ARID1B: variants seen among roughly 807,000 people sequenced by gnomAD.
ARID1B encodes the protein AT-rich interaction domain 1B.
ARID1B carries 30 observed loss-of-function variants against 212.3 expected under a neutral mutation model. The ratio of observed to expected loss-of-function variants is 0.14; its 90% CI spans 0.11 to 0.19. The LOEUF (loss-of-function observed/expected upper bound fraction) is 0.19, where lower values mean the gene tolerates loss of function less well. Ranked by LOEUF, ARID1B falls within the 10% of genes least tolerant of loss-of-function variation. The probability of loss-of-function intolerance (pLI) is 1.00; values close to 1 mark genes in which losing one functional copy is unlikely to be tolerated. For missense variants in ARID1B, 2,891 were observed against 3,204.0 expected, an observed-to-expected ratio of 0.90 and a Z score of 2.36; for synonymous variants, 1,402 against 1,301.7, an observed-to-expected ratio of 1.08 and a Z score of -1.66.
intron 15 of ARID1B, among the ~76,000 whole-genome samples, chr6:157,192,248 A>T (rs936416719): frequency 6.6e-6 from 1 of 152,188 alleles, no homozygotes; most frequent in Admixed American, 6.5e-5. Context: ...ATATGACAAC[A>T]TGGAAAAAAA....
At chr6:157,054,562 C>T (rs919292839) in intron 4 of ARID1B, among the ~76,000 whole-genome samples, 3 of 152,076 alleles carry the variant, frequency 2.0e-5, no homozygotes, top group Non-Finnish European at 4.4e-5. Context: ...CATGGAAGGA[C>T]TAGTAACCAC....
chr6:156,802,309 T>G (rs897937431), intron 1 of ARID1B, among the ~76,000 whole-genome samples: 2 of 152,240 alleles, frequency 1.3e-5, no homozygotes, highest in African/African-American at 4.8e-5. Context: ...CATTTTTTAG[T>G]GTCTCTGAAA....
intron 4 of ARID1B, among the ~76,000 whole-genome samples, chr6:156,987,631 A>G (rs750801072): frequency 2.0e-5 from 3 of 152,228 alleles, no homozygotes; most frequent in Non-Finnish European, 4.4e-5. Flanking sequence ...CGCCCGGCCC[A>G]GTGCTAGTTT....
intron 2 of ARID1B, among the ~76,000 whole-genome samples, chr6:156,835,239 C>CCA (rs1211065938): frequency 4.6e-5 from 5 of 107,626 alleles, no homozygotes; most frequent in Non-Finnish European, 9.3e-5. Context: ...GACTCTGTCA[C>CCA]AAAAAAAAAA....
At chr6:156,878,323 G>C (rs1425430028) in intron 2 of ARID1B, among the ~76,000 whole-genome samples, 2 of 152,164 alleles carry the variant, frequency 1.3e-5, no homozygotes, top group Non-Finnish European at 2.9e-5. Context: ...GAAGCTCACA[G>C]AATTGCCAGA....
chr6:156,837,931 G>A (rs945857833), intron 2 of ARID1B, among the ~76,000 whole-genome samples: 1 of 152,164 alleles, frequency 6.6e-6, no homozygotes, highest in African/African-American at 2.4e-5. Context: ...TAGTGTGCGT[G>A]TATAACACAA....
At chr6:157,195,827 G>A (rs1213669417) in intron 15 of ARID1B, 10 of 285,170 alleles carry the variant, frequency 3.5e-5, no homozygotes, top group Non-Finnish European at 6.6e-5. Flanking sequence ...TTGCAAGGCT[G>A]AGGTGGATGG....
chr6:156,869,964 G>C (rs1583188611), intron 2 of ARID1B: 1 of 148,328 alleles, frequency 6.7e-6, no homozygotes, highest in Admixed American at 6.7e-5. Flanking sequence ...AGGCATTACT[G>C]ATCTCCCTGA....
In ARID1B at chr6:156,829,316, G is replaced by A. The variant is rs142939952; in HGVS notation, c.1881G>A (p.Pro627=). The A allele has an allele frequency of 3.1e-4, 503 of 1,614,216 alleles. 3 individuals carry two copies. The Middle Eastern group carries it at 3.1e-3, about 10-fold the overall frequency. Residue 627 remains proline (P), a synonymous_variant, in exon 2 of 20, where the codon CCG becomes CCA. Coordinates refer to ENST00000636930, the MANE Select transcript of ARID1B (RefSeq NM_001374828.1). ...ATTCTCAGCCTCAGCAGAGCAGTCC[G>A]TACCCAGGAGGTTCCTATGGCCCTC... is the stretch of plus-strand genomic sequence containing the variant. ...NPHSQPQQSS[P]YPGGSYGPPG...
intron 5 of ARID1B, among the ~76,000 whole-genome samples, chr6:157,103,030 G>C (rs1234226947): frequency 6.6e-6 from 1 of 152,080 alleles, no homozygotes; most frequent in Non-Finnish European, 1.5e-5. Context: ...TTTTCATATT[G>C]TCTGTGGCTA....
At chr6:156,860,868 T>C (rs931401557) in intron 2 of ARID1B, among the ~76,000 whole-genome samples, 4 of 152,220 alleles carry the variant, frequency 2.6e-5, no homozygotes, top group Non-Finnish European at 5.9e-5. Context: ...TGGATCTCTT[T>C]AGAAAAAGCC....
intron 11 of ARID1B, among the ~76,000 whole-genome samples, chr6:157,177,858 C>T (rs182296215): frequency 4.1e-4 from 63 of 152,194 alleles, no homozygotes; most frequent in African/African-American, 1.5e-3. Flanking sequence ...CCCGTCTTTC[C>T]GAAGGGCGAG....
intron 9 of ARID1B, among the ~76,000 whole-genome samples, chr6:157,172,272 CG>C (rs1005525427): frequency 2.0e-5 from 3 of 152,116 alleles, no homozygotes; most frequent in African/African-American, 7.2e-5. Context: ...GCGGTCTTCG[CG>C]GTGTAATATC....
intron 3 of ARID1B, chr6:156,902,240 G>A (rs898685771): frequency 4.6e-5 from 7 of 152,190 alleles, no homozygotes; most frequent in Non-Finnish European, 7.3e-5. Flanking sequence ...ATGAAAAGAA[G>A]TAGTGAGTGA....
chr6:156,875,854 G>C (rs1324186786), intron 2 of ARID1B, among the ~76,000 whole-genome samples: 1 of 152,240 alleles, frequency 6.6e-6, no homozygotes, highest in East Asian at 1.9e-4. Flanking sequence ...AACAAATGTA[G>C]TAAATGTGAT....
intron 16 of ARID1B, among the ~76,000 whole-genome samples, 181 bp downstream of exon 16, chr6:157,196,496 A>G (rs1403432972): frequency 6.6e-6 from 1 of 152,224 alleles, no homozygotes; most frequent in African/African-American, 2.4e-5. Flanking sequence ...TGCCCTCAGT[A>G]GATGGCTATT....
intron 4 of ARID1B, among the ~76,000 whole-genome samples, chr6:157,012,807 G>C (rs572676990): frequency 6.6e-6 from 1 of 152,332 alleles, no homozygotes; most frequent in South Asian, 2.1e-4. Flanking sequence ...AGCAACAAAT[G>C]TGCGCAAATA....
In ARID1B at chr6:156,778,004, C is replaced by G; in HGVS notation, c.324C>G (p.Leu108=). 1 of 1,532,670 alleles carries G rather than the reference C, an allele frequency of 6.5e-7. No individual in the cohort carries two copies. Among genetic ancestry groups the G allele is most frequent in the Non-Finnish European group, 8.7e-7 (1 of 1,145,230 alleles). 94.9% of individuals were successfully genotyped at this position (1,532,670 alleles called of 1,614,324 possible). A position where few individuals can be genotyped will look rare whatever the true frequency, so the allele number is the denominator to read the frequency against. The change falls in exon 1 of 20, where the codon CTC becomes CTG. Residue 108 remains leucine, a synonymous_variant. Transcript: ENST00000636930. ...AGAGCGGCGGCTCCGAGGCGGCTCTCAAGGAGGGTGGAAGCGCCGCCGCGC... is the reference window on the plus strand; with the variant it reads ...AGAGCGGCGGCTCCGAGGCGGCTCTGAAGGAGGGTGGAAGCGCCGCCGCGC... The part of the protein sequence containing the change: ...SAKSGGSEAA[L]KEGGSAAALS...
intron 4 of ARID1B, among the ~76,000 whole-genome samples, chr6:157,008,793 C>G (rs1446065292): frequency 1.3e-5 from 2 of 152,040 alleles, no homozygotes; most frequent in Non-Finnish European, 2.9e-5. Context: ...ATGGGTCCTT[C>G]ACTGGTCATC....
Sources: allele counts gnomAD v4.1 joint callset (sites outside exome capture counted in the v4.1 genomes callset), GRCh38; gene constraint gnomAD v4.1.1; transcripts MANE v1.5; gene names NCBI Gene and HGNC (gene_info 2026-07-23, HGNC 2026-07-21).